LPP: variants seen among roughly 807,000 people sequenced by gnomAD.
LPP encodes the protein lipoma-preferred partner.
A neutral mutation model predicts 60.4 loss-of-function variants in LPP; 38 were observed. The ratio of observed to expected loss-of-function variants is 0.63; its 90% CI spans 0.49 to 0.83. The LOEUF (loss-of-function observed/expected upper bound fraction) is 0.83. Among genes scored for constraint, LPP ranks in the 40% least tolerant of loss-of-function variants. The pLI is 0.00. For synonymous variants in LPP, 328 were observed against 290.8 expected (o/e 1.13, Z -1.30); for missense variants, 902 against 783.6 (o/e 1.15, Z -1.80).
At chr3:188,848,091 T>G (rs1761900753) in intron 9 of LPP, among the ~76,000 whole-genome samples, 1 of 152,232 alleles carries the variant, frequency 6.6e-6, no homozygotes, top group Non-Finnish European at 1.5e-5. Context: ...GAAATGTTTA[T>G]GATTATATAT....
At chr3:188,551,274 A>G (rs1560552410) in intron 6 of LPP, among the ~76,000 whole-genome samples, 2 of 152,144 alleles carry the variant, frequency 1.3e-5, no homozygotes, top group Non-Finnish European at 2.9e-5. Context: ...TGATAAAACC[A>G]TCAGATCTCA....
At chr3:188,288,941 G>C (rs114799132) in intron 2 of LPP, among the ~76,000 whole-genome samples, 2,193 of 151,526 alleles carry the variant, frequency 0.014, 31 homozygotes, top group Non-Finnish European at 0.021. Flanking sequence ...AGGGAAGATA[G>C]AGATAAGATT....
At chr3:188,687,925 T>C (rs916074020) in intron 7 of LPP, among the ~76,000 whole-genome samples, 1 of 152,000 alleles carries the variant, frequency 6.6e-6, no homozygotes, top group Non-Finnish European at 1.5e-5. Context: ...CAGGCGCCCA[T>C]CACCATGCCT....
intron 8 of LPP, among the ~76,000 whole-genome samples, chr3:188,738,608 C>T (rs1723332794): frequency 6.6e-6 from 1 of 152,130 alleles, no homozygotes; most frequent in South Asian, 2.1e-4. Flanking sequence ...CAAACATAGT[C>T]GTTTGATAAA....
At position 188,609,414 on chromosome 3, in the gene LPP, C is replaced by T; in HGVS notation, c.683C>T (p.Ala228Val). ...ACCTTTAATGTGCAGGTGAAGTCAG[C>T]CCAGCCCAGCCCTCATTATATGGCT... is the stretch of plus-strand genomic sequence containing the variant. Reference protein sequence around the residue: ...RPTFNVQVKSAQPSPHYMAAP... With the variant: ...RPTFNVQVKSVQPSPHYMAAP... The change falls in exon 7 of 12, where the codon GCC (alanine) becomes GTC (valine). Residue 228 changes from alanine (A) to valine (V), a missense_variant. Coordinates refer to ENST00000617246, the MANE Select transcript of LPP (RefSeq NM_001375462.1). The surrounding 1 kb of genome is among the most constrained non-coding windows in gnomAD (Gnocchi z 6.9). 1.2e-6 allele frequency: 2 copies of T among 1,614,146 alleles called. No individual in the cohort carries two copies. Among genetic ancestry groups the T allele is most frequent in the Non-Finnish European group, 1.7e-6 (2 of 1,180,026 alleles).
Position 188,882,591 on chromosome 3 carries a change from A to C in LPP, c.*8112A>C, listed in dbSNP as rs1011865560. 9.5e-5 allele frequency: 21 copies of C among 222,184 alleles called. 1 individual carries two copies. In the Middle Eastern group the frequency reaches 4.2e-3, roughly 44 times the overall value. The allele number at this position is 222,184 out of a possible 1,614,324, so 13.8% of individuals were successfully genotyped here. ...AGCTACATCTTCTATTCTTGCAGCA[A>C]GGGTACATGTCCTTTGACCCTCCAC... On this transcript the variant is annotated 3_prime_UTR_variant, in exon 12 of 12. Transcript: ENST00000617246.
intron 2 of LPP, among the ~76,000 whole-genome samples, chr3:188,233,421 T>G (rs1294784415): frequency 6.6e-6 from 1 of 152,196 alleles, no homozygotes; most frequent in African/African-American, 2.4e-5. Flanking sequence ...CTTTGGGTCC[T>G]TTTTGGACTT....
intron 2 of LPP, among the ~76,000 whole-genome samples, chr3:188,282,609 A>G (rs961242788): frequency 1.3e-5 from 2 of 152,086 alleles, no homozygotes; most frequent in Admixed American, 6.5e-5. Flanking sequence ...TTAGGACCCT[A>G]CACTCATGAT....
At chr3:188,426,155 T>TG (rs1452794035) in intron 4 of LPP, among the ~76,000 whole-genome samples, 2,778 of 152,270 alleles carry the variant, frequency 0.018, 90 homozygotes, top group African/African-American at 0.064. Context: ...TGTTGTGTCT[T>TG]TATTCTGATT....
intron 7 of LPP, among the ~76,000 whole-genome samples, chr3:188,619,472 G>A (rs1389961350): frequency 1.3e-5 from 2 of 152,214 alleles, no homozygotes; most frequent in Non-Finnish European, 2.9e-5. Flanking sequence ...AGGCAGCCCA[G>A]AGAATATGAA....
intron 9 of LPP, among the ~76,000 whole-genome samples, chr3:188,841,393 G>GT (rs71169023): frequency 0.014 from 1,571 of 112,834 alleles, 47 homozygotes; most frequent in African/African-American, 0.015. Flanking sequence ...TTCTGAATTT[G>GT]TTTTTTTTTT....
chr3:188,641,789 C>T lies in LPP; in HGVS notation c.1113+31945C>T, dbSNP rs560474052. 6.6e-5 allele frequency among the ~76,000 whole-genome samples: 10 copies of T among 152,268 alleles called. 1 individual carries two copies. Among genetic ancestry groups the T allele is most frequent in the Admixed American group, 4.6e-4 (7 of 15,296 alleles). ...AGGTTTCGGATGGACCAAGTATAGA[C>T]ACAACACTTCTGTTAATTCACATGG... is the stretch of plus-strand genomic sequence containing the variant. On this transcript the variant is annotated intron_variant, in intron 7 of 11. Transcript: ENST00000617246.
At chr3:188,358,012 G>T (rs913112071) in intron 3 of LPP, among the ~76,000 whole-genome samples, 1 of 151,758 alleles carries the variant, frequency 6.6e-6, no homozygotes, top group Admixed American at 6.6e-5. Flanking sequence ...ACATATTGAA[G>T]GAAAAAAATG....
intron 7 of LPP, among the ~76,000 whole-genome samples, chr3:188,642,703 G>A (rs113207181): frequency 0.14 from 20,582 of 152,132 alleles, 1,785 homozygotes; most frequent in Non-Finnish European, 0.19. Flanking sequence ...TTGGGAGGCC[G>A]AGGCAGGCAG....
At chr3:188,823,289 A>G (rs926334767) in intron 9 of LPP, among the ~76,000 whole-genome samples, 3 of 152,208 alleles carry the variant, frequency 2.0e-5, no homozygotes, top group Non-Finnish European at 4.4e-5. Flanking sequence ...TCCTAATGCC[A>G]TCTAAGCTTG....
At chr3:188,166,096 G>C (rs886539134) in intron 1 of LPP, among the ~76,000 whole-genome samples, 1 of 152,090 alleles carries the variant, frequency 6.6e-6, no homozygotes. Context: ...AACTGTTACC[G>C]TGAAAGTTCA....
intron 2 of LPP, among the ~76,000 whole-genome samples, chr3:188,251,940 G>T (rs1729769466): frequency 6.7e-6 from 1 of 149,150 alleles, no homozygotes; most frequent in Non-Finnish European, 1.5e-5. Flanking sequence ...CAAAAGAAGT[G>T]CCAGTCTCTC....
intron 1 of LPP, among the ~76,000 whole-genome samples, chr3:188,157,749 T>C (rs774819901): frequency 1.3e-4 from 20 of 151,852 alleles, no homozygotes; most frequent in Non-Finnish European, 2.6e-4. Context: ...AGGGTAAGTT[T>C]TGGCTGCTCT....
At chr3:188,441,375 T>G (rs1793785749) in intron 4 of LPP, among the ~76,000 whole-genome samples, 1 of 152,030 alleles carries the variant, frequency 6.6e-6, no homozygotes, top group African/African-American at 2.4e-5. Flanking sequence ...TGAATGTTTA[T>G]GTATTCTTTT....
Sources: allele counts gnomAD v4.1 joint callset (sites outside exome capture counted in the v4.1 genomes callset), GRCh38; gene constraint gnomAD v4.1.1; non-coding constraint Gnocchi (gnomAD v3.1); transcripts MANE v1.5; gene names NCBI Gene and HGNC (gene_info 2026-07-23, HGNC 2026-07-21).